DENND1A: variants seen among roughly 807,000 people sequenced by gnomAD.
The protein encoded by DENND1A is DENN domain containing 1A.
DENND1A carries 51 observed loss-of-function variants against 113.7 expected under a neutral mutation model. The ratio of observed to expected loss-of-function variants is 0.45; its 90% confidence interval spans 0.36 to 0.57. DENND1A has a LOEUF of 0.57. Ranked by LOEUF, DENND1A falls within the 20% of genes least tolerant of loss-of-function variation. The probability of loss-of-function intolerance (pLI) is 0.00; values close to 1 mark genes in which losing one functional copy is unlikely to be tolerated. For missense variants in DENND1A, 1,258 were observed against 1,395.9 expected (o/e 0.90, Z 1.57); for synonymous variants, 565 against 570.8 (o/e 0.99, Z 0.14).
chr9:123,824,883 T>C (rs1022414843), intron 2 of DENND1A, among the ~76,000 whole-genome samples: 4 of 152,188 alleles, frequency 2.6e-5, no homozygotes, highest in African/African-American at 4.8e-5. Flanking sequence ...TTCAAGAACA[T>C]AGGTTTTACC....
intron 13 of DENND1A, among the ~76,000 whole-genome samples, chr9:123,552,025 G>GAGAGAGAGAC (rs2057098789): frequency 7.0e-6 from 1 of 142,806 alleles, no homozygotes; most frequent in Non-Finnish European, 1.5e-5. Context: ...GAGCGAGAGA[G>GAGAGAGAGAC]AGAGAGAGAG....
intron 2 of DENND1A, among the ~76,000 whole-genome samples, chr9:123,821,654 T>C (rs938395611): frequency 6.6e-6 from 1 of 152,214 alleles, no homozygotes; most frequent in Non-Finnish European, 1.5e-5. Flanking sequence ...CAGAATAATG[T>C]TACTCCATCA....
At chr9:123,624,599 A>G (rs2061115271) in intron 10 of DENND1A, among the ~76,000 whole-genome samples, 1 of 152,204 alleles carries the variant, frequency 6.6e-6, no homozygotes, top group Admixed American at 6.5e-5. Flanking sequence ...AGAAACAGAA[A>G]CTTCCAAGAT....
At chr9:123,419,141 C>A (rs987550929) in intron 19 of DENND1A, among the ~76,000 whole-genome samples, 4 of 152,230 alleles carry the variant, frequency 2.6e-5, no homozygotes, top group Non-Finnish European at 1.5e-5. Flanking sequence ...ATGCTGGAGG[C>A]CACAGGGACC....
intron 2 of DENND1A, among the ~76,000 whole-genome samples, chr9:123,846,563 T>G (rs890883287): frequency 6.6e-6 from 1 of 152,078 alleles, no homozygotes; most frequent in Non-Finnish European, 1.5e-5. Context: ...GAATAAAGCT[T>G]GAAAACATTA....
chr9:123,801,873 C>A (rs1482120755), intron 2 of DENND1A, among the ~76,000 whole-genome samples: 2 of 152,184 alleles, frequency 1.3e-5, no homozygotes, highest in African/African-American at 4.8e-5. Context: ...GCTCTATTCA[C>A]CTTTCTCATC....
chr9:123,391,579 A>C (rs1021877210), intron 21 of DENND1A, among the ~76,000 whole-genome samples: 1 of 152,116 alleles, frequency 6.6e-6, no homozygotes, highest in African/African-American at 2.4e-5. Context: ...GAAACAACGA[A>C]ATAAGAGATA....
chr9:123,924,554 G>A (rs1351476451), intron 1 of DENND1A, among the ~76,000 whole-genome samples: 2 of 151,750 alleles, frequency 1.3e-5, no homozygotes, highest in Non-Finnish European at 2.9e-5. Context: ...GGGAGGCTGA[G>A]GCATAAGAAT....
chr9:123,588,633 A>AACGGGGGG (rs1554894950), intron 11 of DENND1A, among the ~76,000 whole-genome samples: 1 of 86,448 alleles, frequency 1.2e-5, no homozygotes, highest in African/African-American at 4.3e-5. Context: ...AAAAAAAAAA[A>AACGGGGGG]GGGGGGGGGG....
intron 9 of DENND1A, 98 bp downstream of exon 9, chr9:123,651,915 A>G: frequency 1.0e-6 from 1 of 997,606 alleles, no homozygotes. Context: ...AGGGGACTGT[A>G]GCTGACTCCT....
chr9:123,545,854 T>A (rs908058217), intron 13 of DENND1A, among the ~76,000 whole-genome samples: 5 of 152,264 alleles, frequency 3.3e-5, no homozygotes, highest in Admixed American at 6.5e-5. Flanking sequence ...TTGTCAAATG[T>A]TATCATTGCT....
intron 3 of DENND1A, among the ~76,000 whole-genome samples, chr9:123,790,098 ATGT>A (rs1468491112): frequency 1.3e-5 from 2 of 152,100 alleles, no homozygotes; most frequent in African/African-American, 4.8e-5. Context: ...AATACTAGAA[ATGT>A]TGTCGAGATT....
intron 12 of DENND1A, among the ~76,000 whole-genome samples, chr9:123,565,453 G>C (rs1315537028): frequency 6.6e-6 from 1 of 152,156 alleles, no homozygotes; most frequent in Non-Finnish European, 1.5e-5. Context: ...ATTAACTGCT[G>C]GGTGTCACAG....
At chr9:123,915,213 G>C (rs947263579) in intron 1 of DENND1A, among the ~76,000 whole-genome samples, 2 of 152,042 alleles carry the variant, frequency 1.3e-5, no homozygotes, top group Admixed American at 1.3e-4. Flanking sequence ...ATTCTGGATG[G>C]ATTGCAAGAA....
chr9:123,690,193 C>T (rs2065103461), intron 5 of DENND1A, among the ~76,000 whole-genome samples: 1 of 150,738 alleles, frequency 6.6e-6, no homozygotes, highest in African/African-American at 2.4e-5. Context: ...GTATACACCA[C>T]TATGTGTCAC....
At chr9:123,714,255 G>A (rs1029638926) in intron 5 of DENND1A, among the ~76,000 whole-genome samples, 2 of 152,170 alleles carry the variant, frequency 1.3e-5, no homozygotes, top group African/African-American at 4.8e-5. Context: ...TGCTGTCTGT[G>A]CAGGTAGCTC....
chr9:123,497,860 T>C (rs183272759), intron 13 of DENND1A, among the ~76,000 whole-genome samples: 34 of 148,924 alleles, frequency 2.3e-4, no homozygotes, highest in Admixed American at 8.0e-4. Context: ...ACTCCTCAAG[T>C]AAGGCTCAAA....
intron 1 of DENND1A, among the ~76,000 whole-genome samples, chr9:123,925,054 T>A (rs1169123982): frequency 2.6e-5 from 4 of 152,222 alleles, no homozygotes; most frequent in Non-Finnish European, 5.9e-5. Flanking sequence ...GCTTCCTTTA[T>A]AGAACATCCA....
intron 19 of DENND1A, chr9:123,414,126 G>C: frequency 5.0e-6 from 5 of 1,000,836 alleles, no homozygotes; most frequent in African/African-American, 1.7e-5. Context: ...CAGTTTTGGA[G>C]AGAACCCCAG....
Sources: gnomAD v4.1 joint callset for allele counts (sites outside exome capture counted in the v4.1 genomes callset) on GRCh38, gnomAD v4.1.1 for gene constraint, MANE v1.5 for transcripts, NCBI Gene and HGNC (gene_info 2026-07-23, HGNC 2026-07-21) for gene names.